SASH1: variants seen among roughly 807,000 people sequenced by gnomAD.
SASH1 encodes SAM and SH3 domain containing 1, also known as SAM and SH3 domain-containing protein 1.
In SASH1, 44 loss-of-function variants were observed where a neutral mutation model predicts 125.2. The observed-to-expected ratio is 0.35, with a 90% confidence interval of 0.28 to 0.45. The LOEUF (loss-of-function observed/expected upper bound fraction) is 0.45, where lower values mean the gene tolerates loss of function less well. SASH1 is among the 20% of genes least tolerant of loss of function. The pLI is 1.00. For missense variants in SASH1, 1,426 were observed against 1,614.5 expected, an observed-to-expected ratio of 0.88 and a Z score of 2.00; for synonymous variants, 639 against 649.1, an observed-to-expected ratio of 0.98 and a Z score of 0.24.
At chr6:148,282,955 C>G (rs184589268) in intron 1 of SASH1, among the ~76,000 whole-genome samples, 2 of 152,100 alleles carry the variant, frequency 1.3e-5, no homozygotes, top group African/African-American at 4.8e-5. Context: ...GAAGACACAC[C>G]TAAAGATGTA....
At chr6:148,524,356 A>T (rs1007499236) in intron 10 of SASH1, 1 of 151,892 alleles carries the variant, frequency 6.6e-6, no homozygotes, top group Non-Finnish European at 1.5e-5. Flanking sequence ...ACTGATTTTT[A>T]AAAAAGATAA....
chr6:148,547,124 T>A (rs1328277372), intron 19 of SASH1, among the ~76,000 whole-genome samples: 1 of 152,210 alleles, frequency 6.6e-6, no homozygotes, highest in East Asian at 1.9e-4. Flanking sequence ...AACTCTCACC[T>A]TTTTACTTAA....
intron 17 of SASH1, 30 bp from the exon 18 acceptor site, chr6:148,543,650 G>T (rs781274006): frequency 6.6e-7 from 1 of 1,506,268 alleles, no homozygotes; most frequent in East Asian, 2.3e-5. Context: ...CTTTTAAAAT[G>T]TGATTGTAAA....
intron 1 of SASH1, among the ~76,000 whole-genome samples, chr6:148,364,213 C>G (rs1342098534): frequency 6.6e-6 from 1 of 152,156 alleles, no homozygotes; most frequent in East Asian, 1.9e-4. Context: ...TTACACAGCC[C>G]AGCAGACATC....
chr6:148,361,534 A>G (rs921989448), intron 1 of SASH1, among the ~76,000 whole-genome samples: 1 of 152,038 alleles, frequency 6.6e-6, no homozygotes, highest in Non-Finnish European at 1.5e-5. Context: ...CCTGGGAGGC[A>G]GAGGTTGTGG....
At chr6:148,258,237 C>T in the SASH1 span, among the ~76,000 whole-genome samples, 1 of 152,134 alleles carries the variant, frequency 6.6e-6, no homozygotes, top group Non-Finnish European at 1.5e-5. Flanking sequence ...TTAGAATGCT[C>T]ATACCGTCTT....
chr6:148,199,686 G>C, the SASH1 span, among the ~76,000 whole-genome samples: 8 of 151,842 alleles, frequency 5.3e-5, no homozygotes, highest in Non-Finnish European at 1.0e-4. Flanking sequence ...GACAGAGCAA[G>C]ACTTTGTCTT....
At chr6:148,281,106 C>CTTTTTTTT (rs34144143) in intron 1 of SASH1, among the ~76,000 whole-genome samples, 21 of 69,264 alleles carry the variant, frequency 3.0e-4, no homozygotes, top group South Asian at 7.0e-4. Context: ...CCATGCCTAG[C>CTTTTTTTT]TTTTTTTTTT....
intron 8 of SASH1, among the ~76,000 whole-genome samples, chr6:148,502,094 T>C (rs1186967628): frequency 6.6e-6 from 1 of 152,222 alleles, no homozygotes; most frequent in Non-Finnish European, 1.5e-5. Flanking sequence ...AACTATCATG[T>C]AATTATCTTC....
chr6:148,393,887 TC>T (rs1783836922), intron 2 of SASH1: 1 of 130,858 alleles, frequency 7.6e-6, no homozygotes. Context: ...TCTCTCTCTC[TC>T]TTTTTTTTTT....
intron 1 of SASH1, among the ~76,000 whole-genome samples, chr6:148,296,705 T>A (rs1039963769): frequency 6.6e-6 from 1 of 152,168 alleles, no homozygotes; most frequent in African/African-American, 2.4e-5. Context: ...ATCTAGAGTG[T>A]TACACGTATG....
chr6:148,390,288 TTC>T, intron 2 of SASH1, 26 bp downstream of exon 2: 1 of 1,605,492 alleles, frequency 6.2e-7, no homozygotes, highest in Non-Finnish European at 8.5e-7. Context: ...GGGAATATGC[TTC>T]TGTGAGCAGA....
intron 5 of SASH1, chr6:148,468,966 A>G (rs1777973857): frequency 6.2e-6 from 1 of 162,176 alleles, no homozygotes. Flanking sequence ...TGCTATAAAA[A>G]TCCTGGGGTC....
chr6:148,524,112 TATA>T (rs200043375), intron 10 of SASH1, among the ~76,000 whole-genome samples: 23,377 of 115,760 alleles, frequency 0.2, 2,497 homozygotes, highest in East Asian at 0.29. Context: ...TATATATATA[TATA>T]TATATATTTT....
At chr6:148,487,112 C>CACATATAT (rs773423176) in intron 7 of SASH1, among the ~76,000 whole-genome samples, 10 of 120,660 alleles carry the variant, frequency 8.3e-5, no homozygotes, top group African/African-American at 2.2e-4. Context: ...CACACACACA[C>CACATATAT]ATATATATAT....
At chr6:148,201,319 G>A in the SASH1 span, among the ~76,000 whole-genome samples, 9,298 of 152,210 alleles carry the variant, frequency 0.061, 411 homozygotes, top group Middle Eastern at 0.12. Context: ...TTAGTTTTAG[G>A]GAGTGAAATT....
chr6:148,498,230 C>G (rs868333958), intron 8 of SASH1, among the ~76,000 whole-genome samples: 1 of 58,834 alleles, frequency 1.7e-5, no homozygotes, highest in Non-Finnish European at 3.2e-5. Flanking sequence ...CAAAAACAAA[C>G]AAACAAAAAA....
chr6:148,514,153 T>C (rs1780302853), intron 8 of SASH1, 171 bp from the exon 9 acceptor site: 9 of 1,399,642 alleles, frequency 6.4e-6, no homozygotes, highest in Non-Finnish European at 8.3e-6. Flanking sequence ...ATTTAGATCT[T>C]AAGATGGTAT....
intron 1 of SASH1, among the ~76,000 whole-genome samples, chr6:148,273,681 GCC>G (rs1779116927): frequency 6.6e-6 from 1 of 152,168 alleles, no homozygotes; most frequent in East Asian, 1.9e-4. Flanking sequence ...GAGTCTGAGA[GCC>G]CAACCACTCA....
Sources: gnomAD v4.1 joint callset for allele counts (sites outside exome capture counted in the v4.1 genomes callset) on GRCh38, gnomAD v4.1.1 for gene constraint, MANE v1.5 for transcripts, NCBI Gene and HGNC (gene_info 2026-07-23, HGNC 2026-07-21) for gene names.